The following ACTR3 variants were observed in gnomAD, a reference collection of about 807,000 sequenced individuals.
ACTR3 encodes actin related protein 3.
A neutral mutation model predicts 56.8 loss-of-function variants in ACTR3; 12 were observed. The ratio of observed to expected loss-of-function variants is 0.21; its 90% CI spans 0.14 to 0.34. ACTR3 has a LOEUF of 0.34. Ranked by LOEUF, ACTR3 falls within the 10% of genes least tolerant of loss-of-function variation. The pLI is 1.00. For missense variants in ACTR3, 282 were observed against 512.5 expected, an observed-to-expected ratio of 0.55 and a Z score of 4.34; for synonymous variants, 162 against 167.4, an observed-to-expected ratio of 0.97 and a Z score of 0.25.
At chr2:113,912,001 A>G (rs1679315991) in intron 1 of ACTR3, among the ~76,000 whole-genome samples, 2 of 151,952 alleles carry the variant, frequency 1.3e-5, no homozygotes, top group South Asian at 4.2e-4. Flanking sequence ...CAGCCTCCCA[A>G]AGTGCTGGGA....
intron 2 of ACTR3, among the ~76,000 whole-genome samples, chr2:113,915,733 A>G (rs1679392868): frequency 6.6e-6 from 1 of 152,130 alleles, no homozygotes; most frequent in Admixed American, 6.5e-5. Context: ...TATTGAATCC[A>G]TTTTTTATCT....
chr2:113,931,105 A>G (rs915875916), intron 4 of ACTR3, among the ~76,000 whole-genome samples, 196 bp from the exon 5 acceptor site: 1 of 151,942 alleles, frequency 6.6e-6, no homozygotes, highest in African/African-American at 2.4e-5. Flanking sequence ...GTGAATTACC[A>G]TACTGTTTTC....
intron 8 of ACTR3, among the ~76,000 whole-genome samples, chr2:113,943,480 C>T (rs1324060299): frequency 6.6e-6 from 1 of 152,016 alleles, no homozygotes; most frequent in Non-Finnish European, 1.5e-5. Context: ...TAATTGTGTA[C>T]CATATTAGAA....
chr2:113,922,701 T>C (rs764482574), intron 3 of ACTR3, among the ~76,000 whole-genome samples: 1 of 152,212 alleles, frequency 6.6e-6, no homozygotes, highest in Non-Finnish European at 1.5e-5. Context: ...TAGGCAAGTT[T>C]ATGTTAGGGA....
At position 113,939,046 on chromosome 2, in the gene ACTR3, C is replaced by T. The variant is rs371988665; in HGVS notation, c.541-913C>T. ...CTTTCTTTCTTTTTTTTTTTTGAGA[C>T]GGAGTTTCGCTCTGTCGCCCAGGCT... On this transcript the variant is annotated intron_variant, in intron 6 of 11. Coordinates refer to ENST00000263238, the MANE Select transcript of ACTR3 (RefSeq NM_005721.5). 1.8e-4 allele frequency among the ~76,000 whole-genome samples: 27 copies of T among 149,908 alleles called. No individual in the cohort carries two copies. In the South Asian group the frequency reaches 2.5e-3, roughly 14 times the overall value.
rs1464532763 is a variant in ACTR3, at chr2:113,906,666, A to G, written c.45-6506A>G. On this transcript the variant is annotated intron_variant, in intron 1 of 11. Transcript: ENST00000263238. Reference sequence around the variant, plus strand: ...GTGTATGGTGTAAGGTAAAGGTACAACTTCATTCTTTTGCATGTGGATATC... The same window carrying G: ...GTGTATGGTGTAAGGTAAAGGTACAGCTTCATTCTTTTGCATGTGGATATC... Among the ~76,000 whole-genome samples, 3 of 152,068 alleles carry G rather than the reference A, an allele frequency of 2.0e-5. 1 individual carries two copies. The highest frequency in any genetic ancestry group is 7.2e-5 in the African/African-American group (3 of 41,392).
intron 5 of ACTR3, among the ~76,000 whole-genome samples, chr2:113,933,646 AGTTT>A (rs1679764464): frequency 6.8e-6 from 1 of 148,108 alleles, no homozygotes; most frequent in African/African-American, 2.6e-5. Context: ...ACGTGGACAT[AGTTT>A]AAGTTCTGGC....
At chr2:113,898,599 A>G (rs17045689) in intron 1 of ACTR3, among the ~76,000 whole-genome samples, 4,831 of 152,304 alleles carry the variant, frequency 0.032, 259 homozygotes, top group African/African-American at 0.11. Context: ...TATGGCACAC[A>G]TGAGAAACTA....
At chr2:113,943,827 C>CA (rs1490265375) in intron 8 of ACTR3, among the ~76,000 whole-genome samples, 1 of 152,138 alleles carries the variant, frequency 6.6e-6, no homozygotes, top group Non-Finnish European at 1.5e-5. Context: ...GGTTCAAAAA[C>CA]AAACACTTGG....
At position 113,931,090 on chromosome 2, in the gene ACTR3, A is replaced by T. The variant is rs76731184; in HGVS notation, c.337-211A>T. Among the ~76,000 whole-genome samples, 5,638 of 151,740 alleles carry T rather than the reference A, an allele frequency of 0.037. 336 individuals carry two copies. Among genetic ancestry groups the T allele is most frequent in the African/African-American group, 0.12 (5,145 of 41,358 alleles). ...TAGGCATTCAGGGTATTTTTTTTTT[A>T]AAATGTGAATTACCATACTGTTTTC... On this transcript the variant is annotated intron_variant, in intron 4 of 11. Coordinates refer to ENST00000263238, the MANE Select transcript of ACTR3 (RefSeq NM_005721.5).
intron 1 of ACTR3, among the ~76,000 whole-genome samples, chr2:113,895,151 T>C (rs144941988): frequency 9.5e-5 from 14 of 147,516 alleles, no homozygotes; most frequent in African/African-American, 3.2e-4. Flanking sequence ...AATTACTCTC[T>C]AGGTTGTGTT....
At chr2:113,953,781 A>G (rs952457349) in intron 10 of ACTR3, 13 of 152,226 alleles carry the variant, frequency 8.5e-5, no homozygotes, top group African/African-American at 2.9e-4. Flanking sequence ...TACAATTATC[A>G]AAATCATGAA....
Position 113,958,101 on chromosome 2 carries a change from T to C in ACTR3, c.*646T>C, listed in dbSNP as rs1190625175. The C allele has an allele frequency of 6.6e-6, 1 of 152,596 alleles. No homozygotes were observed. The highest frequency in any genetic ancestry group is 1.5e-5 in the Non-Finnish European group (1 of 68,020). The allele number at this position is 152,596 out of a possible 1,614,324, so 9.5% of individuals were successfully genotyped here. A position where few individuals can be genotyped will look rare whatever the true frequency, so the allele number is the denominator to read the frequency against. ...GTGCTTTCTGATTACTCGCATTCTG[T>C]TTCTTGCTTTAAAAGAAGAGTAAAG... On this transcript the variant is annotated 3_prime_UTR_variant, in exon 12 of 12. Transcript: ENST00000263238.
intron 1 of ACTR3, chr2:113,904,863 T>A (rs1182455760): frequency 1.3e-5 from 2 of 152,206 alleles, no homozygotes; most frequent in Non-Finnish European, 2.9e-5. Context: ...GGTTAGTGTC[T>A]TTTTGCCTTT....
At chr2:113,901,753 A>C (rs1041717545) in intron 1 of ACTR3, among the ~76,000 whole-genome samples, 2 of 152,194 alleles carry the variant, frequency 1.3e-5, no homozygotes, top group Admixed American at 1.3e-4. Context: ...CCGTATGTAG[A>C]GGCACAGGCA....
chr2:113,897,551 G>A (rs34524254), intron 1 of ACTR3, among the ~76,000 whole-genome samples: 1 of 128,988 alleles, frequency 7.8e-6, no homozygotes, highest in African/African-American at 3.1e-5. Flanking sequence ...TTTTGAGGCA[G>A]AGTGTTGCTC....
At chr2:113,894,143 G>A (rs148726877) in intron 1 of ACTR3, among the ~76,000 whole-genome samples, 14,014 of 151,452 alleles carry the variant, frequency 0.093, 1,067 homozygotes, top group African/African-American at 0.2. Flanking sequence ...AGGCTGGAGT[G>A]CAGTGGCATG....
At chr2:113,929,060 G>A (rs1679671246) in intron 4 of ACTR3, among the ~76,000 whole-genome samples, 2 of 151,848 alleles carry the variant, frequency 1.3e-5, no homozygotes, top group South Asian at 4.2e-4. Context: ...TTGTTGCTGG[G>A]TAGTATTCCA....
intron 1 of ACTR3, among the ~76,000 whole-genome samples, chr2:113,896,982 T>G (rs1432779635): frequency 1.3e-5 from 2 of 152,234 alleles, no homozygotes; most frequent in East Asian, 3.8e-4. Flanking sequence ...TAGCAACATG[T>G]GTTTCCTGAA....
Sources: allele counts gnomAD v4.1 joint callset (sites outside exome capture counted in the v4.1 genomes callset), GRCh38; gene constraint gnomAD v4.1.1; transcripts MANE v1.5; gene names NCBI Gene and HGNC (gene_info 2026-07-23, HGNC 2026-07-21).